The following PPP2R5E variants were observed in gnomAD, a reference collection of about 807,000 sequenced individuals.
PPP2R5E encodes serine/threonine-protein phosphatase 2A 56 kDa regulatory subunit epsilon isoform.
PPP2R5E carries 4 observed loss-of-function variants against 65.3 expected under a neutral mutation model. The observed-to-expected ratio is 0.06, with a 90% CI of 0.03 to 0.14. PPP2R5E has a LOEUF of 0.14. PPP2R5E is among the 10% of genes least tolerant of loss of function. The pLI, the probability that PPP2R5E is intolerant of heterozygous loss-of-function variation, is 1.00. For missense variants in PPP2R5E, 274 were observed against 556.1 expected, an observed-to-expected ratio of 0.49 and a Z score of 5.10; for synonymous variants, 183 against 187.4, an observed-to-expected ratio of 0.98 and a Z score of 0.19.
intron 2 of PPP2R5E, among the ~76,000 whole-genome samples, chr14:63,510,871 G>GGTGGAAGCA (rs1892423718): frequency 1.3e-5 from 2 of 152,230 alleles, no homozygotes; most frequent in South Asian, 4.1e-4. Flanking sequence ...CACGTGAAAA[G>GGTGGAAGCA]GTGGAAGCAG....
At chr14:63,416,055 T>C (rs557855753) in intron 4 of PPP2R5E, among the ~76,000 whole-genome samples, 4 of 152,334 alleles carry the variant, frequency 2.6e-5, no homozygotes, top group East Asian at 1.9e-4. Flanking sequence ...CAGCCTCAAA[T>C]AATTGTTCTG....
chr14:63,420,080 T>G lies in PPP2R5E; in HGVS notation c.456+1913A>C, dbSNP rs61309839. On this transcript the variant is annotated intron_variant, in intron 4 of 13. Coordinates refer to ENST00000337537, the MANE Select transcript of PPP2R5E (RefSeq NM_006246.5). ...AAGTTTATTGTACTTTAGGGGAAATTTATGTCTATGGTTATCATGACATAG... is the reference window on the plus strand; with the variant it reads ...AAGTTTATTGTACTTTAGGGGAAATGTATGTCTATGGTTATCATGACATAG... Among the ~76,000 whole-genome samples, 470 of 152,322 alleles carry G rather than the reference T, an allele frequency of 3.1e-3. 2 individuals carry two copies. The highest frequency in any genetic ancestry group is 0.011 in the African/African-American group (442 of 41,570).
chr14:63,508,114 C>G (rs1007772093), intron 2 of PPP2R5E: 1 of 982,274 alleles, frequency 1.0e-6, no homozygotes, highest in Non-Finnish European at 1.2e-6. Flanking sequence ...CCCACACACA[C>G]TTCTACACAC....
At chr14:63,466,223 T>C (rs536858740) in intron 2 of PPP2R5E, among the ~76,000 whole-genome samples, 128 of 145,484 alleles carry the variant, frequency 8.8e-4, no homozygotes, top group African/African-American at 3.3e-3. Flanking sequence ...TCATAATTTA[T>C]AGTTGATCAA....
At chr14:63,486,235 C>T (rs1243180805) in intron 2 of PPP2R5E, among the ~76,000 whole-genome samples, 1 of 151,260 alleles carries the variant, frequency 6.6e-6, no homozygotes, top group Non-Finnish European at 1.5e-5. Context: ...ATTCCCACTT[C>T]TCTCCTCCCC....
At chr14:63,534,177 G>A (rs1263695942) in intron 2 of PPP2R5E, among the ~76,000 whole-genome samples, 1 of 152,140 alleles carries the variant, frequency 6.6e-6, no homozygotes, top group Non-Finnish European at 1.5e-5. Context: ...GTGTGTTTGT[G>A]TGTTTGCCTA....
At chr14:63,508,290 C>G in intron 2 of PPP2R5E, 1 of 806,126 alleles carries the variant, frequency 1.2e-6, no homozygotes, top group Non-Finnish European at 1.5e-6. Flanking sequence ...ATGGCAACCC[C>G]CTCCCTCTGC....
At chr14:63,514,298 A>C (rs1459720810) in intron 2 of PPP2R5E, among the ~76,000 whole-genome samples, 1 of 152,190 alleles carries the variant, frequency 6.6e-6, no homozygotes. Context: ...ACAACTGAAA[A>C]GATTGATAAT....
chr14:63,484,158 G>A (rs952984813), intron 2 of PPP2R5E, among the ~76,000 whole-genome samples: 2 of 151,826 alleles, frequency 1.3e-5, no homozygotes, highest in Admixed American at 1.3e-4. Context: ...CCACAACAGA[G>A]ATGATGGGGC....
At chr14:63,435,672 C>T (rs1036436297) in intron 3 of PPP2R5E, among the ~76,000 whole-genome samples, 1 of 152,214 alleles carries the variant, frequency 6.6e-6, no homozygotes, top group Non-Finnish European at 1.5e-5. Context: ...CTAAACTCAT[C>T]CCTGCCTCTC....
intron 2 of PPP2R5E, among the ~76,000 whole-genome samples, chr14:63,524,800 C>T (rs1893111543): frequency 6.6e-6 from 1 of 152,232 alleles, no homozygotes; most frequent in Non-Finnish European, 1.5e-5. Context: ...TCACCACCCA[C>T]AGTGCTGCTG....
intron 2 of PPP2R5E, among the ~76,000 whole-genome samples, chr14:63,492,328 C>T (rs554848198): frequency 6.6e-6 from 1 of 152,198 alleles, no homozygotes; most frequent in South Asian, 2.1e-4. Context: ...CTGCACCAAG[C>T]AGCTGTTCTT....
At chr14:63,377,264 T>A (rs1388108406) in intron 13 of PPP2R5E, among the ~76,000 whole-genome samples, 2 of 152,194 alleles carry the variant, frequency 1.3e-5, no homozygotes, top group African/African-American at 4.8e-5. Flanking sequence ...ATGTAATCCA[T>A]GCACTACCCC....
At chr14:63,471,936 T>C (rs1890156377) in intron 2 of PPP2R5E, among the ~76,000 whole-genome samples, 1 of 152,234 alleles carries the variant, frequency 6.6e-6, no homozygotes, top group African/African-American at 2.4e-5. Flanking sequence ...CTCCTCTTTG[T>C]ACCAAGCAAA....
chr14:63,531,962 C>T (rs892467417), intron 2 of PPP2R5E, among the ~76,000 whole-genome samples: 1 of 152,038 alleles, frequency 6.6e-6, no homozygotes, highest in Non-Finnish European at 1.5e-5. Context: ...TCAAAACACA[C>T]ACACACACAC....
rs531514543 is a variant in PPP2R5E, at chr14:63,377,522, T to G, written c.1305-1414A>C. ...ATTCCACTAGAGACTTGAGGAAATG[T>G]TGAATTATAATGCCATAATAGTCTG... On this transcript the variant is annotated intron_variant, in intron 13 of 13. Coordinates refer to ENST00000337537, the MANE Select transcript of PPP2R5E (RefSeq NM_006246.5). 2.9e-4 allele frequency among the ~76,000 whole-genome samples: 44 copies of G among 152,312 alleles called. 1 individual carries two copies. The highest frequency in any genetic ancestry group is 2.2e-3 in the Admixed American group (34 of 15,304).
At chr14:63,509,564 G>A (rs756672669) in intron 2 of PPP2R5E, among the ~76,000 whole-genome samples, 2 of 152,022 alleles carry the variant, frequency 1.3e-5, no homozygotes, top group African/African-American at 4.8e-5. Flanking sequence ...CTCGTGAGTC[G>A]CTGTGCCAGG....
chr14:63,519,873 G>C (rs1892824724), intron 2 of PPP2R5E, among the ~76,000 whole-genome samples: 1 of 151,782 alleles, frequency 6.6e-6, no homozygotes. Flanking sequence ...TGTTGATCAG[G>C]CTGGTCTCGA....
chr14:63,498,947 G>A (rs560799217), intron 2 of PPP2R5E, among the ~76,000 whole-genome samples: 31 of 151,998 alleles, frequency 2.0e-4, no homozygotes, highest in Non-Finnish European at 3.8e-4. Flanking sequence ...ATTAGGAATC[G>A]TAAGTGAAAA....
Sources: gnomAD v4.1 joint callset for allele counts (sites outside exome capture counted in the v4.1 genomes callset) on GRCh38, gnomAD v4.1.1 for gene constraint, MANE v1.5 for transcripts, NCBI Gene and HGNC (gene_info 2026-07-23, HGNC 2026-07-21) for gene names.